The following DLGAP2 variants were observed in gnomAD, a reference collection of about 807,000 sequenced individuals.
The protein encoded by DLGAP2 is disks large-associated protein 2.
A neutral mutation model predicts 100.3 loss-of-function variants in DLGAP2; 26 were observed. That is an observed-to-expected ratio of 0.26 (90% CI 0.19 to 0.36). The LOEUF (loss-of-function observed/expected upper bound fraction) is 0.36, where lower values mean the gene tolerates loss of function less well. Among genes scored for constraint, DLGAP2 ranks in the 10% least tolerant of loss-of-function variants. The probability of loss-of-function intolerance (pLI) is 1.00; values close to 1 mark genes in which losing one functional copy is unlikely to be tolerated. For missense variants in DLGAP2, 1,858 were observed against 1,453.2 expected (o/e 1.28, Z -4.53); for synonymous variants, 886 against 630.1 (o/e 1.41, Z -6.08).
At position 1,184,448 on chromosome 8, in the gene DLGAP2, C is replaced by T. The variant is rs113112751; in HGVS notation, c.74-74403C>T. On this transcript the variant is annotated intron_variant, in intron 2 of 14. Coordinates refer to ENST00000637795, the MANE Select transcript of DLGAP2 (RefSeq NM_001346810.2). ...CTGGAAGCATCCCGTGTGAAGGAGA[C>T]GGGCAGAAGAGGCTGAGGCCATTCT... 8.5e-4 allele frequency among the ~76,000 whole-genome samples: 129 copies of T among 152,266 alleles called. 1 individual carries two copies. Among genetic ancestry groups the T allele is most frequent in the African/African-American group, 2.7e-3 (113 of 41,556 alleles).
chr8:1,083,880 T>A (rs1177447331), intron 2 of DLGAP2, among the ~76,000 whole-genome samples: 1 of 152,234 alleles, frequency 6.6e-6, no homozygotes, highest in Non-Finnish European at 1.5e-5. Flanking sequence ...TGTGTCTAAG[T>A]GGCTAATAAA....
At chr8:1,310,234 A>G (rs1275086551) in intron 3 of DLGAP2, among the ~76,000 whole-genome samples, 1 of 152,192 alleles carries the variant, frequency 6.6e-6, no homozygotes, top group Admixed American at 6.5e-5. Flanking sequence ...CTCCAAAAAA[A>G]TCCACAAAAA....
chr8:1,538,767 C>T (rs1452456808), intron 4 of DLGAP2, among the ~76,000 whole-genome samples: 1 of 152,150 alleles, frequency 6.6e-6, no homozygotes, highest in Non-Finnish European at 1.5e-5. Context: ...GTGGCCACAG[C>T]CACTCAGAAC....
chr8:1,580,573 A>C (rs981414454), intron 6 of DLGAP2, among the ~76,000 whole-genome samples: 4 of 152,222 alleles, frequency 2.6e-5, no homozygotes, highest in African/African-American at 7.2e-5. Flanking sequence ...GGGAAGCACT[A>C]ATGCCAGGGA....
At chr8:1,267,555 G>T (rs1172199507) in intron 3 of DLGAP2, among the ~76,000 whole-genome samples, 1 of 74,708 alleles carries the variant, frequency 1.3e-5, no homozygotes, top group Non-Finnish European at 2.5e-5. Context: ...CAAAATTCCC[G>T]CTCAAAATAA....
chr8:1,112,059 C>T (rs1453201754), intron 2 of DLGAP2, among the ~76,000 whole-genome samples: 1 of 152,076 alleles, frequency 6.6e-6, no homozygotes, highest in South Asian at 2.1e-4. Context: ...TCCACAACCT[C>T]ACCAGCATCC....
intron 2 of DLGAP2, among the ~76,000 whole-genome samples, chr8:955,145 G>T (rs1227108189): frequency 6.6e-6 from 1 of 151,936 alleles, no homozygotes; most frequent in Admixed American, 6.6e-5. Flanking sequence ...TCATCACCTG[G>T]CAGGTCTTCA....
intron 1 of DLGAP2, among the ~76,000 whole-genome samples, chr8:813,249 AT>A (rs1796404384): frequency 6.6e-6 from 1 of 151,772 alleles, no homozygotes; most frequent in Non-Finnish European, 1.5e-5. Flanking sequence ...AGTGGTTTAT[AT>A]TTCCTTTTCA....
intron 2 of DLGAP2, among the ~76,000 whole-genome samples, chr8:964,849 G>C (rs1206682238): frequency 6.6e-6 from 1 of 152,158 alleles, no homozygotes. Flanking sequence ...GTGGCCTTGC[G>C]ATGGCCTTTG....
rs1194971505 is a variant in DLGAP2, at chr8:1,682,717, G to GC, written c.2704+4094dup. ...GTGAACTCCTGGCCTCAAGTGATCT[G>GC]CCCCCCTTGCCCTTGCAAAGTGCTA... On this transcript the variant is annotated intron_variant, in intron 12 of 14. Coordinates refer to ENST00000637795, the MANE Select transcript of DLGAP2 (RefSeq NM_001346810.2). 5.3e-5 allele frequency among the ~76,000 whole-genome samples: 8 copies of GC among 151,468 alleles called. 1 individual carries two copies. Among genetic ancestry groups the GC allele is most frequent in the Non-Finnish European group, 7.4e-5 (5 of 67,658 alleles).
chr8:1,021,811 G>A (rs186528835), intron 2 of DLGAP2, among the ~76,000 whole-genome samples: 1 of 152,150 alleles, frequency 6.6e-6, no homozygotes, highest in African/African-American at 2.4e-5. Flanking sequence ...GCACACCACT[G>A]TCAGTGGTGG....
chr8:1,114,139 G>C (rs142078366), intron 2 of DLGAP2, among the ~76,000 whole-genome samples: 1 of 152,114 alleles, frequency 6.6e-6, no homozygotes, highest in East Asian at 1.9e-4. Flanking sequence ...TGTTCATCAA[G>C]GATATTGGCC....
intron 1 of DLGAP2, among the ~76,000 whole-genome samples, chr8:883,726 T>G (rs970797882): frequency 1.3e-5 from 2 of 151,972 alleles, no homozygotes; most frequent in African/African-American, 4.8e-5. Context: ...GTTCGTTACG[T>G]AGGAGCGCGG....
intron 2 of DLGAP2, among the ~76,000 whole-genome samples, chr8:924,840 C>T (rs1297189420): frequency 6.6e-6 from 1 of 152,134 alleles, no homozygotes; most frequent in Non-Finnish European, 1.5e-5. Context: ...CCTGCCTTGG[C>T]CTCCCAAAGT....
intron 5 of DLGAP2, among the ~76,000 whole-genome samples, chr8:1,550,018 C>G (rs1456912276): frequency 1.3e-5 from 2 of 152,180 alleles, no homozygotes; most frequent in East Asian, 3.9e-4. Flanking sequence ...CAACATCTCC[C>G]AATTCTTCCC....
intron 3 of DLGAP2, among the ~76,000 whole-genome samples, chr8:1,283,617 A>T (rs779385850): frequency 1.3e-5 from 2 of 152,234 alleles, no homozygotes; most frequent in Non-Finnish European, 2.9e-5. Flanking sequence ...AACAGCGATG[A>T]TGCTGATAGA....
chr8:905,822 G>A (rs1438752516), intron 1 of DLGAP2, among the ~76,000 whole-genome samples: 1 of 111,638 alleles, frequency 9.0e-6, no homozygotes, highest in South Asian at 3.2e-4. Flanking sequence ...CCCCAAGCAC[G>A]TGTCCTACTG....
intron 2 of DLGAP2, among the ~76,000 whole-genome samples, chr8:1,102,952 T>C (rs975152026): frequency 6.6e-6 from 1 of 151,726 alleles, no homozygotes; most frequent in Non-Finnish European, 1.5e-5. Flanking sequence ...CTGGGGTCTC[T>C]GTGGTTTTCC....
At chr8:738,703 C>CTGGGA (rs1820394507) in intron 1 of DLGAP2, 1 of 146,478 alleles carries the variant, frequency 6.8e-6, no homozygotes, top group South Asian at 2.1e-4. Flanking sequence ...CTGGGCTGGG[C>CTGGGA]TGGACTGGAC....
Sources: gnomAD v4.1 joint callset for allele counts (sites outside exome capture counted in the v4.1 genomes callset) on GRCh38, gnomAD v4.1.1 for gene constraint, MANE v1.5 for transcripts, NCBI Gene and HGNC (gene_info 2026-07-23, HGNC 2026-07-21) for gene names.